The following SPRY3 variants were observed in gnomAD, a reference collection of about 807,000 sequenced individuals.
SPRY3 encodes protein sprouty homolog 3.
A neutral mutation model predicts 20.2 loss-of-function variants in SPRY3; 15 were observed. The observed-to-expected ratio is 0.74, with a 90% CI of 0.50 to 1.14. The LOEUF is 1.14. Ranked by LOEUF, SPRY3 falls within the 50% of genes most tolerant of loss-of-function variation. The pLI is 0.00. For missense variants in SPRY3, 364 were observed against 363.9 expected (o/e 1.00, Z 0.00); for synonymous variants, 143 against 136.5 (o/e 1.05, Z -0.33).
intron 3 of SPRY3, among the ~76,000 whole-genome samples, chrX:155,770,894 T>C (rs1241429280): frequency 4.6e-5 from 7 of 152,292 alleles, no homozygotes; most frequent in African/African-American, 1.7e-4. Context: ...AGATTCAGCA[T>C]GTCCAGAATG....
intron 2 of SPRY3, among the ~76,000 whole-genome samples, chrX:155,724,851 C>G (rs1461362126): frequency 6.6e-6 from 1 of 152,146 alleles, no homozygotes; most frequent in African/African-American, 2.4e-5. Context: ...ACTTCCAACA[C>G]TATGTTGAGT....
intron 2 of SPRY3, among the ~76,000 whole-genome samples, chrX:155,697,522 C>CATATAT (rs1557356198): frequency 6.8e-4 from 68 of 99,343 alleles, no homozygotes; most frequent in African/African-American, 2.2e-3. Flanking sequence ...CACACACACA[C>CATATAT]ATATATATAT....
At chrX:155,642,454 T>G (rs1049500667) in intron 1 of SPRY3, among the ~76,000 whole-genome samples, 9 of 111,805 alleles carry the variant, frequency 8.0e-5, no homozygotes, top group African/African-American at 2.9e-4. Context: ...TTTTTTATAT[T>G]GTTTTCTTCA....
intron 1 of SPRY3, among the ~76,000 whole-genome samples, chrX:155,632,219 CCACACACA>C (rs55865452): frequency 2.0e-5 from 2 of 98,677 alleles, no homozygotes; most frequent in East Asian, 6.6e-4. Context: ...TCCACAGCCA[CCACACACA>C]CACACACACA....
rs2091015761 is a variant in SPRY3 at position 155,715,455 on chromosome X, G to A, written c.-281-52507G>A. ...AGCTGAGCTAGTATCTAAGTTGCAA[G>A]ACAAAGTCCTCTTTACTCTTCCCTC... On this transcript the variant is annotated intron_variant, in intron 2 of 3. Coordinates refer to ENST00000675360, the Ensembl canonical transcript of SPRY3. Among the ~76,000 whole-genome samples, 5 of 152,264 alleles carry A rather than the reference G, an allele frequency of 3.3e-5. No individual in the cohort carries two copies. The South Asian group carries it at 1.0e-3, about 32-fold the overall frequency.
At chrX:155,643,086 A>T (rs1335861679) in intron 1 of SPRY3, among the ~76,000 whole-genome samples, 2 of 111,794 alleles carry the variant, frequency 1.8e-5, no homozygotes, top group Non-Finnish European at 3.8e-5. Flanking sequence ...TGAAGTCTCC[A>T]GCTATTATTG....
exon 4 of SPRY3, chrX:155,774,753 G>A (rs373079230): frequency 2.3e-5 from 37 of 1,599,088 alleles, no homozygotes; most frequent in Non-Finnish European, 2.7e-5. Context: ...CCAACAAGGT[G>A]GATCCAGAGC....
chrX:155,760,455 C>A (rs2091299680), intron 2 of SPRY3, among the ~76,000 whole-genome samples: 1 of 152,180 alleles, frequency 6.6e-6, no homozygotes, highest in African/African-American at 2.4e-5. Flanking sequence ...TTGGCAGATT[C>A]TTAACCAGGT....
intron 1 of SPRY3, among the ~76,000 whole-genome samples, chrX:155,615,397 C>T (rs1022579842): frequency 8.9e-6 from 1 of 112,128 alleles, no homozygotes; most frequent in Non-Finnish European, 1.9e-5. Context: ...ATATTCATAA[C>T]CTTGAGTTCT....
intron 2 of SPRY3, among the ~76,000 whole-genome samples, chrX:155,689,630 G>A (rs2068097727): frequency 1.2e-5 from 1 of 86,064 alleles, no homozygotes; most frequent in African/African-American, 5.6e-5. Flanking sequence ...ATATCCCAGC[G>A]ATTCTTTGTA....
chrX:155,774,377 T>C, exon 4 of SPRY3: 1 of 1,614,012 alleles, frequency 6.2e-7, no homozygotes, highest in Non-Finnish European at 8.5e-7. Flanking sequence ...TCCTGCTGGC[T>C]GTGCAACCAG....
Position 155,767,946 on chromosome X carries a change from C to A in SPRY3, c.-281-16C>A, listed in dbSNP as rs1422316265. ...TTTGTTTTGTTTTGTTTTGTGTTTT[C>A]TCTGCTGTGTCAAAGAACAAGACAG... On this transcript the variant is annotated splice_polypyrimidine_tract_variant and intron_variant, in intron 2 of 3. Coordinates refer to ENST00000675360, the Ensembl canonical transcript of SPRY3. The A allele has an allele frequency of 1.3e-5, 2 of 151,732 alleles. No individual in the cohort carries two copies. Among genetic ancestry groups the A allele is most frequent in the African/African-American group, 4.9e-5 (2 of 40,748 alleles). The allele number at this position is 151,732 out of a possible 1,614,324, so 9.4% of individuals were successfully genotyped here.
At chrX:155,703,896 A>G (rs1397151015) in intron 2 of SPRY3, among the ~76,000 whole-genome samples, 6 of 151,932 alleles carry the variant, frequency 3.9e-5, no homozygotes, top group Non-Finnish European at 8.8e-5. Flanking sequence ...TGATAGACAC[A>G]AATTCTCTAT....
chrX:155,688,508 T>C (rs1481048012), intron 2 of SPRY3, among the ~76,000 whole-genome samples: 1 of 111,266 alleles, frequency 9.0e-6, no homozygotes, highest in Non-Finnish European at 1.9e-5. Context: ...ACCAACAGTG[T>C]AAAAGCATTT....
chrX:155,751,575 T>C (rs1364469492), intron 2 of SPRY3, among the ~76,000 whole-genome samples: 1 of 151,954 alleles, frequency 6.6e-6, no homozygotes, highest in African/African-American at 2.4e-5. Flanking sequence ...GTTTGAGTTG[T>C]GACTTCTACA....
chrX:155,629,107 T>G (rs936604301), intron 1 of SPRY3, among the ~76,000 whole-genome samples: 3 of 108,869 alleles, frequency 2.8e-5, no homozygotes, highest in South Asian at 4.1e-4. Flanking sequence ...GCTGCACCCA[T>G]TAACTCGTCA....
rs1326307185 is a variant in SPRY3, at chrX:155,621,183, CATT to C, written c.-441+8539_-441+8541del. On this transcript the variant is annotated intron_variant, in intron 1 of 3. Coordinates refer to ENST00000675360, the Ensembl canonical transcript of SPRY3. ...TTTTGTGATCAAACTCTGTCACTAT[CATT>C]ATCTTCAGTTTATTCTGCTTATGTG... Among the ~76,000 whole-genome samples the C allele has an allele frequency of 1.1e-3, 118 of 111,974 alleles. 5 individuals carry two copies. Among genetic ancestry groups the C allele is most frequent in the Non-Finnish European group, 1.1e-4 (6 of 53,163 alleles).
chrX:155,768,395 G>A (rs914287145), intron 3 of SPRY3, among the ~76,000 whole-genome samples: 33 of 152,150 alleles, frequency 2.2e-4, no homozygotes, highest in Non-Finnish European at 3.7e-4. Context: ...TTTTCTAGGC[G>A]AATGTCAATT....
At chrX:155,713,588 A>G (rs774633494) in intron 2 of SPRY3, among the ~76,000 whole-genome samples, 10 of 152,168 alleles carry the variant, frequency 6.6e-5, no homozygotes, top group Admixed American at 2.0e-4. Context: ...AAGCTCTATC[A>G]TATGATATTT....
Sources: gnomAD v4.1 joint callset for allele counts (sites outside exome capture counted in the v4.1 genomes callset) on GRCh38, gnomAD v4.1.1 for gene constraint, MANE v1.5 for transcripts, NCBI Gene and HGNC (gene_info 2026-07-23, HGNC 2026-07-21) for gene names.